PTGER3: variants seen among roughly 807,000 people sequenced by gnomAD.
The protein encoded by PTGER3 is prostaglandin E2 receptor EP3 subtype.
PTGER3 carries 22 observed loss-of-function variants against 34.7 expected under a neutral mutation model. The ratio of observed to expected loss-of-function variants is 0.63; its 90% CI spans 0.45 to 0.91. The LOEUF (loss-of-function observed/expected upper bound fraction) is 0.91. Ranked by LOEUF, PTGER3 falls within the 40% of genes least tolerant of loss-of-function variation. The pLI, the probability that PTGER3 is intolerant of heterozygous loss-of-function variation, is 0.00. For synonymous variants in PTGER3, 241 were observed against 230.1 expected (o/e 1.05, Z -0.43); for missense variants, 468 against 519.4 (o/e 0.90, Z 0.96).
chr1:70,969,721 A>C (rs1316465865), downstream of PTGER3, among the ~76,000 whole-genome samples: 5 of 152,164 alleles, frequency 3.3e-5, no homozygotes, highest in Non-Finnish European at 7.4e-5. Context: ...AAAAACAAGA[A>C]TAGCATCCAA....
At chr1:70,898,044 A>G (rs35799180) in intron 4 of PTGER3, among the ~76,000 whole-genome samples, 20,719 of 151,778 alleles carry the variant, frequency 0.14, 2,925 homozygotes, top group East Asian at 0.43. Context: ...ATTGGAAAGA[A>G]GGTCTCTATG....
chr1:70,922,609 T>C (rs962344508), intron 4 of PTGER3, among the ~76,000 whole-genome samples: 1 of 152,020 alleles, frequency 6.6e-6, no homozygotes, highest in Non-Finnish European at 1.5e-5. Context: ...AAAAATCCCT[T>C]ACTTACCAAG....
intron 1 of PTGER3, among the ~76,000 whole-genome samples, chr1:71,022,190 C>T (rs1236985779): frequency 6.6e-6 from 1 of 151,820 alleles, no homozygotes; most frequent in Admixed American, 6.6e-5. Flanking sequence ...TAGCTATAAA[C>T]AATCATCTAT....
chr1:70,950,596 G>A (rs1325071482), downstream of PTGER3: 2 of 152,204 alleles, frequency 1.3e-5, no homozygotes, highest in Non-Finnish European at 2.9e-5. Context: ...ATGTATTTTA[G>A]AGTGGGGATT....
In PTGER3 at chr1:70,894,514, G is replaced by A. The variant is rs868590601; in HGVS notation, c.*24-41655C>T. On this transcript the variant is annotated intron_variant, in intron 4 of 4. Transcript: ENST00000370931. ...ACACTTTGGTTGTCTGGTATGAAGC[G>A]TATTTGGTTTTCTTCTACTCTTGCT... 1.6e-4 allele frequency among the ~76,000 whole-genome samples: 25 copies of A among 152,068 alleles called. No homozygotes were observed. The Middle Eastern group carries it at 0.01, about 62-fold the overall frequency.
At chr1:71,043,191 T>C (rs1262921019) in intron 1 of PTGER3, among the ~76,000 whole-genome samples, 1 of 152,120 alleles carries the variant, frequency 6.6e-6, no homozygotes, top group East Asian at 1.9e-4. Context: ...ATGATAAAAA[T>C]CAAATAGATT....
intron 4 of PTGER3, among the ~76,000 whole-genome samples, chr1:70,893,199 A>AC (rs1273712995): frequency 6.6e-6 from 1 of 152,202 alleles, no homozygotes; most frequent in African/African-American, 2.4e-5. Flanking sequence ...GGCACCTTGT[A>AC]CCATCTAGCC....
In PTGER3 at chr1:71,039,663, A is replaced by G. The variant is rs564856258; in HGVS notation, c.897+7018T>C. ...AGACTCTGTCTCAAAAAAAAAAAAAAAAAAAAAGAAAAAAAGAAAGAAAAA... is the reference window on the plus strand; with the variant it reads ...AGACTCTGTCTCAAAAAAAAAAAAAGAAAAAAAGAAAAAAAGAAAGAAAAA... On this transcript the variant is annotated intron_variant, in intron 1 of 3. Transcript: ENST00000306666. Among the ~76,000 whole-genome samples, 161 of 147,144 alleles carry G rather than the reference A, an allele frequency of 1.1e-3. 1 individual carries two copies. The highest frequency in any genetic ancestry group is 3.8e-3 in the African/African-American group (155 of 40,484).
chr1:70,914,938 G>T (rs1278621114), intron 4 of PTGER3, among the ~76,000 whole-genome samples: 2 of 151,862 alleles, frequency 1.3e-5, no homozygotes, highest in African/African-American at 4.8e-5. Context: ...TATTAGCTGT[G>T]TTCAGTCATT....
At chr1:71,014,639 T>C (rs1657733873) in intron 1 of PTGER3, among the ~76,000 whole-genome samples, 1 of 152,162 alleles carries the variant, frequency 6.6e-6, no homozygotes, top group South Asian at 2.1e-4. Flanking sequence ...AGGTCTCTCC[T>C]TCAGCCATGT....
intron 4 of PTGER3, among the ~76,000 whole-genome samples, chr1:70,855,084 A>G (rs1346578156): frequency 1.3e-5 from 2 of 152,230 alleles, no homozygotes; most frequent in Non-Finnish European, 1.5e-5. Flanking sequence ...ATGTCCACTG[A>G]CATATAAATG....
At chr1:70,933,984 A>G (rs566428591) in intron 4 of PTGER3, among the ~76,000 whole-genome samples, 1 of 152,180 alleles carries the variant, frequency 6.6e-6, no homozygotes, top group Non-Finnish European at 1.5e-5. Flanking sequence ...AAGTATGCAC[A>G]TGGAAGAATA....
intron 2 of PTGER3, among the ~76,000 whole-genome samples, chr1:70,987,472 GAGA>G (rs1362397944): frequency 2.6e-5 from 4 of 152,128 alleles, no homozygotes; most frequent in Non-Finnish European, 4.4e-5. Flanking sequence ...ATCAGTAATT[GAGA>G]AGGATTAAAT....
intron 4 of PTGER3, among the ~76,000 whole-genome samples, chr1:70,884,262 A>T (rs749704981): frequency 3.5e-4 from 54 of 152,270 alleles, no homozygotes; most frequent in Admixed American, 1.5e-3. Flanking sequence ...AGCCTCCAAG[A>T]TATCCACCCC....
chr1:71,042,339 A>G, intron 1 of PTGER3, among the ~76,000 whole-genome samples: 1 of 151,134 alleles, frequency 6.6e-6, no homozygotes, highest in East Asian at 1.9e-4. Flanking sequence ...ATGCCAATTC[A>G]TCTTCCTGGA....
intron 2 of PTGER3, among the ~76,000 whole-genome samples, chr1:70,989,700 T>C (rs1351034577): frequency 6.6e-6 from 1 of 152,180 alleles, no homozygotes; most frequent in Non-Finnish European, 1.5e-5. Context: ...ACTTGCTGAT[T>C]GAAATCCAAG....
intron 1 of PTGER3, among the ~76,000 whole-genome samples, chr1:71,046,278 T>C: frequency 5.7e-5 from 5 of 87,338 alleles, no homozygotes; most frequent in Admixed American, 1.9e-4. Context: ...AGAGCGAGAC[T>C]CCGTCTCAAA....
At chr1:70,951,736 C>A (rs1168636756), downstream of PTGER3, among the ~76,000 whole-genome samples, 1 of 152,188 alleles carries the variant, frequency 6.6e-6, no homozygotes, top group Non-Finnish European at 1.5e-5. Context: ...GTGCCAGGCA[C>A]TGTGCTTGGT....
rs370410009 is a variant in PTGER3 at position 71,012,285 on chromosome 1, C to T, written c.1077+20G>A. The T allele has an allele frequency of 4.6e-5, 74 of 1,614,002 alleles. No homozygotes were observed. The African/African-American group carries it at 9.2e-4, about 20-fold the overall frequency. ...CCCTTTCTGTCCATCATTAGAGCAG[C>T]TGGAGACAGCATTTGCTACCTGGCA... On this transcript the variant is annotated intron_variant, in intron 2 of 3. Coordinates refer to ENST00000306666, the MANE Select transcript of PTGER3 (RefSeq NM_198719.2).
Sources: allele counts gnomAD v4.1 joint callset (sites outside exome capture counted in the v4.1 genomes callset), GRCh38; gene constraint gnomAD v4.1.1; transcripts MANE v1.5; gene names NCBI Gene and HGNC (gene_info 2026-07-23, HGNC 2026-07-21).